Variants in HNRNPH3 observed in about 807,000 individuals in gnomAD.
HNRNPH3 encodes the protein heterogeneous nuclear ribonucleoprotein H3.
Under a neutral mutation model 47.0 loss-of-function variants are expected in HNRNPH3, and 7 were observed. That is an observed-to-expected ratio of 0.15 (90% CI 0.08 to 0.28). The LOEUF is 0.28. HNRNPH3 is among the 10% of genes least tolerant of loss of function. The probability of loss-of-function intolerance (pLI) is 1.00; values close to 1 mark genes in which losing one functional copy is unlikely to be tolerated. For missense variants in HNRNPH3, 279 were observed against 449.6 expected, an observed-to-expected ratio of 0.62 and a Z score of 3.43; for synonymous variants, 120 against 143.2, an observed-to-expected ratio of 0.84 and a Z score of 1.16.
At chr10:68,338,458 A>T (rs755255049) in intron 3 of HNRNPH3, 45 bp from the exon 4 acceptor site, 2 of 1,289,814 alleles carry the variant, frequency 1.6e-6, no homozygotes, top group Non-Finnish European at 2.2e-6. Context: ...AATTTACACT[A>T]ATACATTTAT....
chr10:68,337,445 T>C lies in HNRNPH3; in HGVS notation c.112+112T>C. 1.5e-6 allele frequency: 1 copy of C among 673,202 alleles called. No homozygotes were observed. The highest frequency in any genetic ancestry group is 2.6e-6 in the Non-Finnish European group (1 of 383,092). 41.7% of individuals were successfully genotyped at this position (673,202 alleles called of 1,614,324 possible). A position where few individuals can be genotyped will look rare whatever the true frequency, so the allele number is the denominator to read the frequency against. ...ATTTTGGAACTTTTAAGTTTAACTA[T>C]GATAGTCTTGGTTAATGTATTAAAA... On this transcript the variant is annotated intron_variant, in intron 2 of 9. Transcript: ENST00000265866. The surrounding 1 kb of genome is among the most constrained non-coding windows in gnomAD (Gnocchi z 4.5).
chr10:68,333,850 A>C (rs752101136), intron 1 of HNRNPH3, among the ~76,000 whole-genome samples: 1 of 152,250 alleles, frequency 6.6e-6, no homozygotes. Context: ...AAGATTGCCA[A>C]GGAAAAGTTT....
chr10:68,335,597 C>A (rs2134667738), intron 1 of HNRNPH3, among the ~76,000 whole-genome samples: 1 of 152,060 alleles, frequency 6.6e-6, no homozygotes, highest in East Asian at 1.9e-4. Context: ...ATTCTCAGTT[C>A]TTTTCAAGGC....
In HNRNPH3 at chr10:68,341,269, A is replaced by G. The variant is rs2045915842; in HGVS notation, c.735A>G (p.Glu245=). The G allele has an allele frequency of 6.2e-7, 1 of 1,605,660 alleles. No homozygotes were observed. The highest frequency in any genetic ancestry group is 1.8e-5 in the Admixed American group (1 of 57,004). ...GEADVEFVTH[E]DAVAAMSKDK... Reference sequence around the variant, plus strand: ...CAGATGTAGAGTTTGTGACACATGAAGATGCAGTAGCTGCCATGTCTAAAG... The same window carrying G: ...CAGATGTAGAGTTTGTGACACATGAGGATGCAGTAGCTGCCATGTCTAAAG... The change falls in exon 7 of 10, where the codon GAA becomes GAG. Residue 245 remains glutamate (E), a synonymous_variant. Coordinates refer to ENST00000265866, the MANE Select transcript of HNRNPH3 (RefSeq NM_012207.3).
At chr10:68,340,076 C>T (rs571091126) in intron 6 of HNRNPH3, among the ~76,000 whole-genome samples, 179 of 151,990 alleles carry the variant, frequency 1.2e-3, no homozygotes, top group Non-Finnish European at 2.3e-3. Flanking sequence ...GCTCTGTCGC[C>T]CAGGCTAGAG....
At chr10:68,332,238 A>T (rs1193479650) in intron 1 of HNRNPH3, 22 bp downstream of exon 1, 1 of 151,804 alleles carries the variant, frequency 6.6e-6, no homozygotes, top group Non-Finnish European at 1.5e-5. Flanking sequence ...AAAAGGGGGT[A>T]GGTTGGGCTG....
At chr10:68,334,932 T>C (rs776251901) in intron 1 of HNRNPH3, among the ~76,000 whole-genome samples, 1 of 152,174 alleles carries the variant, frequency 6.6e-6, no homozygotes, top group Non-Finnish European at 1.5e-5. Flanking sequence ...TGTTTTTGTT[T>C]TGTAGGTAGG....
Position 68,339,245 on chromosome 10 carries a change from AC to A in HNRNPH3, c.523+20del, listed in dbSNP as rs765733907. ...GGAAGAGGTAAAATAAATATTAAAGACATTTTTATTCATAGGTAAATTTTAG... is the reference window on the plus strand; with the variant it reads ...GGAAGAGGTAAAATAAATATTAAAGAATTTTTATTCATAGGTAAATTTTAG... On this transcript the variant is annotated intron_variant, in intron 5 of 9. Transcript: ENST00000265866. The A allele has an allele frequency of 1.0e-5, 16 of 1,573,116 alleles. No individual in the cohort carries two copies. The highest frequency in any genetic ancestry group is 1.4e-5 in the Non-Finnish European group (16 of 1,145,998).
Position 68,338,505 on chromosome 10 carries a change from A to G in HNRNPH3, c.254A>G (p.Tyr85Cys), listed in dbSNP as rs1210727577. Residue 85 changes from tyrosine to cysteine, a missense_variant and splice_region_variant, in exon 4 of 10, where the codon TAT (tyrosine) becomes TGT (cysteine). Physicochemically the swap from Tyr to Cys is radical, Grantham distance 194. Around this residue, in one of 2 missense-constraint regions of HNRNPH3, gnomAD observed 40 missense variants for 113.8 expected, o/e 0.35. Transcript: ENST00000265866. ...TACCTTAAAACATTTTTAAATAGGT[A>G]TATTGAGATCTTCAGAAGTAGCAGG... ...GKHKERIGHR[Y>C]IEIFRSSRSE... 6.3e-7 allele frequency: 1 copy of G among 1,594,652 alleles called. No individual in the cohort carries two copies. The highest frequency in any genetic ancestry group is 8.6e-7 in the Non-Finnish European group (1 of 1,163,650).
In HNRNPH3 at chr10:68,341,824, G is replaced by C; in HGVS notation, c.937G>C (p.Gly313Arg). Reference protein sequence around the residue: ...GMGNNYSGGYGTPDGLGGYGR... With the variant: ...GMGNNYSGGYRTPDGLGGYGR... The stretch of plus-strand genomic sequence containing the variant: ...GGGGAACAATTACAGTGGAGGATAT[G>C]GTACTCCTGATGGTTTGGGTGGTTA... The change falls in exon 9 of 10, where the codon GGT becomes CGT. Residue 313 changes from glycine (G) to arginine (R), a missense_variant. Gly to Arg is a moderately radical substitution (Grantham distance 125). Around this residue, in one of 2 missense-constraint regions of HNRNPH3, gnomAD observed 239 missense variants for 335.8 expected, o/e 0.71. Coordinates refer to ENST00000265866, the MANE Select transcript of HNRNPH3 (RefSeq NM_012207.3). The C allele has an allele frequency of 6.2e-7, 1 of 1,610,440 alleles. No individual in the cohort carries two copies. The highest frequency in any genetic ancestry group is 8.5e-7 in the Non-Finnish European group (1 of 1,177,424).
At position 68,339,549 on chromosome 10, in the gene HNRNPH3, T is replaced by C; in HGVS notation, c.633T>C (p.Ile211=). The C allele has an allele frequency of 6.3e-7, 1 of 1,592,230 alleles. No homozygotes were observed. The highest frequency in any genetic ancestry group is 8.6e-7 in the Non-Finnish European group (1 of 1,160,350). ...CTTTTCGTGCAACTGAAAATGACAT[T>C]GCTAATGTGAGTAATTTTTAATAAC... ...GLPFRATEND[I]ANFFSPLNPI... Residue 211 remains isoleucine, a synonymous_variant, in exon 6 of 10, where the codon ATT becomes ATC. Transcript: ENST00000265866.
chr10:68,336,240 T>A (rs1163863507), intron 1 of HNRNPH3, among the ~76,000 whole-genome samples: 1 of 152,088 alleles, frequency 6.6e-6, no homozygotes, highest in East Asian at 1.9e-4. Flanking sequence ...TACAGCTGCA[T>A]AGTGAGATTT....
chr10:68,339,796 A>G (rs1194567328), intron 6 of HNRNPH3, among the ~76,000 whole-genome samples: 1 of 151,616 alleles, frequency 6.6e-6, no homozygotes, highest in Non-Finnish European at 1.5e-5. Context: ...GTCCTGCCTC[A>G]GCCTCCCGAG....
chr10:68,341,095 A>T, intron 6 of HNRNPH3, 79 bp from the exon 7 acceptor site: 1 of 1,013,916 alleles, frequency 9.9e-7, no homozygotes, highest in Admixed American at 2.6e-5. Context: ...GTTTTAATTG[A>T]TGAGGAAAAA....
In HNRNPH3 at chr10:68,340,399, T is replaced by C. The variant is rs2134746177; in HGVS notation, c.640-775T>C. ...TTTGGCTTTCTAGGCTAGATGGTGA[T>C]TAGAAACTGAGGAGTTGGAAATAAC... is the stretch of plus-strand genomic sequence containing the variant. On this transcript the variant is annotated intron_variant, in intron 6 of 9. Coordinates refer to ENST00000265866, the MANE Select transcript of HNRNPH3 (RefSeq NM_012207.3). Among the ~76,000 whole-genome samples, 2 of 152,316 alleles carry C rather than the reference T, an allele frequency of 1.3e-5. 1 individual carries two copies. The highest frequency in any genetic ancestry group is 1.3e-4 in the Admixed American group (2 of 15,298).
chr10:68,339,192 T>G lies in HNRNPH3; in HGVS notation c.489T>G (p.Asn163Lys). Residue 163 changes from asparagine to lysine, a missense_variant, in exon 5 of 10, where the codon AAT becomes AAG. Asn to Lys is a moderately conservative substitution (Grantham distance 94). Transcript: ENST00000265866. Reference sequence around the variant, plus strand: ...GCTATAATAATTACGGCTATGGGAATGATGGCTTTGATGACAGAATGAGAG... The same window carrying G: ...GCTATAATAATTACGGCTATGGGAAGGATGGCTTTGATGACAGAATGAGAG... The part of the protein sequence containing the change: ...YGGYNNYGYG[N>K]DGFDDRMRDG... 1 of 1,605,080 alleles carries G rather than the reference T, an allele frequency of 6.2e-7. No homozygotes were observed.
At position 68,337,470 on chromosome 10, in the gene HNRNPH3, A is replaced by G; in HGVS notation, c.112+137A>G. On this transcript the variant is annotated intron_variant, in intron 2 of 9. Transcript: ENST00000265866. The surrounding 1 kb of genome is among the most constrained non-coding windows in gnomAD (Gnocchi z 4.5). ...TGATAGTCTTGGTTAATGTATTAAAATAATATGCTCCAGTTAATATTCAAT... is the reference window on the plus strand; with the variant it reads ...TGATAGTCTTGGTTAATGTATTAAAGTAATATGCTCCAGTTAATATTCAAT... 6 of 607,160 alleles carry G rather than the reference A, an allele frequency of 9.9e-6. No homozygotes were observed. The highest frequency in any genetic ancestry group is 1.5e-5 in the Non-Finnish European group (5 of 342,206). 37.6% of individuals were successfully genotyped at this position (607,160 alleles called of 1,614,324 possible).
Position 68,342,236 on chromosome 10 carries a change from C to T in HNRNPH3, c.*182C>T, listed in dbSNP as rs558521211. On this transcript the variant is annotated 3_prime_UTR_variant, in exon 10 of 10. Transcript: ENST00000265866. ...ATGTTTTCTGTAGGTTTATTTGTTG[C>T]ATACTTTGACTTAAAAATAAATTTT... 8.9e-5 allele frequency: 45 copies of T among 507,430 alleles called. No individual in the cohort carries two copies. The South Asian group carries it at 1.4e-3, about 15-fold the overall frequency. 31.4% of individuals were successfully genotyped at this position (507,430 alleles called of 1,614,324 possible). A position where few individuals can be genotyped will look rare whatever the true frequency, so the allele number is the denominator to read the frequency against.
chr10:68,341,833 G>A lies in HNRNPH3; in HGVS notation c.946G>A (p.Asp316Asn). ...TTACAGTGGAGGATATGGTACTCCT[G>A]ATGGTTTGGGTGGTTATGGTAAGTA... ...NNYSGGYGTPDGLGGYGRGGG... is the reference protein window; with the variant it reads ...NNYSGGYGTPNGLGGYGRGGG... Residue 316 changes from aspartate (D) to asparagine (N), a missense_variant, in exon 9 of 10, where the codon GAT (aspartate) becomes AAT (asparagine). Asp to Asn is a conservative substitution (Grantham distance 23, BLOSUM62 1). Coordinates refer to ENST00000265866, the MANE Select transcript of HNRNPH3 (RefSeq NM_012207.3). 1 of 1,610,432 alleles carries A rather than the reference G, an allele frequency of 6.2e-7. No homozygotes were observed. Among genetic ancestry groups the A allele is most frequent in the Non-Finnish European group, 8.5e-7 (1 of 1,177,430 alleles).
Sources: gnomAD v4.1 joint callset for allele counts (sites outside exome capture counted in the v4.1 genomes callset) on GRCh38, gnomAD v4.1.1 for gene constraint, gnomAD v4.1.1 regional missense constraint, Gnocchi (gnomAD v3.1) non-coding constraint, MANE v1.5 for transcripts, NCBI Gene and HGNC (gene_info 2026-07-23, HGNC 2026-07-21) for gene names.